PAK1: variants seen among roughly 807,000 people sequenced by gnomAD.
PAK1 encodes the protein p21 (RAC1) activated kinase 1, also known as serine/threonine-protein kinase PAK 1.
PAK1 carries 29 observed loss-of-function variants against 67.4 expected under a neutral mutation model. The observed-to-expected ratio is 0.43, with a 90% CI of 0.32 to 0.59. The LOEUF (loss-of-function observed/expected upper bound fraction) is 0.59. Among genes scored for constraint, PAK1 ranks in the 20% least tolerant of loss-of-function variants. The pLI is 0.07. For synonymous variants in PAK1, 223 were observed against 237.4 expected, an observed-to-expected ratio of 0.94 and a Z score of 0.56; for missense variants, 337 against 670.7, an observed-to-expected ratio of 0.50 and a Z score of 5.50.
rs757386926 is a variant in PAK1, at chr11:77,325,114, A to G, written c.1552-1754T>C. ...CAAGTTAAAAAGCCAGCTTTCTCAG[A>G]TCACATGTTTCTGCAATTCCCCTAA... On this transcript the variant is annotated intron_variant, in intron 14 of 14. Transcript: ENST00000356341. Among the ~76,000 whole-genome samples, 3 of 152,376 alleles carry G rather than the reference A, an allele frequency of 2.0e-5. No individual in the cohort carries two copies. In the South Asian group the frequency reaches 6.2e-4, roughly 32 times the overall value.
At chr11:77,427,912 G>A (rs1955636536) in intron 1 of PAK1, among the ~76,000 whole-genome samples, 1 of 152,200 alleles carries the variant, frequency 6.6e-6, no homozygotes, top group African/African-American at 2.4e-5. Context: ...TTATCAGACA[G>A]TGAAGAGAGT....
chr11:77,351,715 C>A (rs2136425334), intron 8 of PAK1, among the ~76,000 whole-genome samples: 1 of 151,668 alleles, frequency 6.6e-6, no homozygotes. Flanking sequence ...ATTATGCAAT[C>A]TTTTATTTTC....
At chr11:77,509,595 T>C in the PAK1 span, among the ~76,000 whole-genome samples, 7 of 152,306 alleles carry the variant, frequency 4.6e-5, no homozygotes, top group East Asian at 9.7e-4. Flanking sequence ...AGATCTCATG[T>C]TGAATTGTAA....
chr11:77,521,909 G>C, the PAK1 span, among the ~76,000 whole-genome samples: 1 of 152,114 alleles, frequency 6.6e-6, no homozygotes, highest in Non-Finnish European at 1.5e-5. Flanking sequence ...GAATAAGCAG[G>C]GTTAGCCGAA....
the PAK1 span, among the ~76,000 whole-genome samples, chr11:77,481,207 A>C: frequency 3.9e-5 from 6 of 152,276 alleles, no homozygotes; most frequent in East Asian, 1.2e-3. Context: ...ACATCGTTCC[A>C]GTGTCTATTA....
chr11:77,386,761 A>G (rs1433869158), intron 2 of PAK1, among the ~76,000 whole-genome samples: 1 of 152,018 alleles, frequency 6.6e-6, no homozygotes, highest in East Asian at 1.9e-4. Flanking sequence ...GAATGCAGGT[A>G]TCAGTATTAA....
the PAK1 span, among the ~76,000 whole-genome samples, chr11:77,515,386 G>T: frequency 6.6e-6 from 1 of 152,168 alleles, no homozygotes; most frequent in African/African-American, 2.4e-5. Context: ...AAGCATACAG[G>T]TGTATCTTAG....
intron 1 of PAK1, among the ~76,000 whole-genome samples, chr11:77,413,466 A>G (rs1430743599): frequency 6.6e-6 from 1 of 152,146 alleles, no homozygotes; most frequent in Non-Finnish European, 1.5e-5. Context: ...CACATCTGGT[A>G]AATGCTCAGG....
chr11:77,358,942 T>C lies in PAK1; in HGVS notation c.553A>G (p.Thr185Ala). ...EDEDDDDDDA[T>A]PPPVIAPRPE... ...CGTGGAGCAATCACTGGTGGTGGGG[T>C]AGCATCATCATCATCATCATCCTCA... is the stretch of plus-strand genomic sequence containing the variant. The change falls in exon 6 of 15, where the codon ACC becomes GCC. Residue 185 changes from threonine to alanine, a missense_variant. Coordinates refer to ENST00000356341, the MANE Select transcript of PAK1 (RefSeq NM_002576.5). 1 of 1,613,338 alleles carries C rather than the reference T, an allele frequency of 6.2e-7. No individual in the cohort carries two copies. Among genetic ancestry groups the C allele is most frequent in the Non-Finnish European group, 8.5e-7 (1 of 1,179,434 alleles).
rs1938595004 is a variant in PAK1 at position 77,322,052 on chromosome 11, A to C, written c.*1222T>G. 9.4e-6 allele frequency: 2 copies of C among 211,950 alleles called. No homozygotes were observed. The highest frequency in any genetic ancestry group is 1.4e-4 in the East Asian group (2 of 14,174). The allele number at this position is 211,950 out of a possible 1,614,324, so 13.1% of individuals were successfully genotyped here. On this transcript the variant is annotated 3_prime_UTR_variant, in exon 15 of 15. Coordinates refer to ENST00000356341, the MANE Select transcript of PAK1 (RefSeq NM_002576.5). ...ATCTCCTTTTATTGACAGAAATAGA[A>C]ATTTGTGCTGCAGAGGCAGTAGTAC...
chr11:77,529,738 C>T, the PAK1 span, among the ~76,000 whole-genome samples: 2 of 152,114 alleles, frequency 1.3e-5, no homozygotes, highest in African/African-American at 4.8e-5. Flanking sequence ...GAAGGATGAG[C>T]AGAAAGTAAG....
chr11:77,420,236 G>T (rs559030733), intron 1 of PAK1, among the ~76,000 whole-genome samples: 1 of 152,150 alleles, frequency 6.6e-6, no homozygotes, highest in South Asian at 2.1e-4. Flanking sequence ...GGAGAAAAAA[G>T]TATGAACGGT....
At chr11:77,445,982 T>C (rs1956580632) in intron 1 of PAK1, among the ~76,000 whole-genome samples, 2 of 152,198 alleles carry the variant, frequency 1.3e-5, no homozygotes, top group Non-Finnish European at 2.9e-5. Context: ...CTCCAGTACT[T>C]ATCACAGTTC....
chr11:77,474,277 G>C (rs1158918897), upstream of PAK1: 1 of 152,086 alleles, frequency 6.6e-6, no homozygotes, highest in East Asian at 1.9e-4. Context: ...CAGGTGAGAG[G>C]GGGCGGGGAG....
chr11:77,325,008 C>G (rs753807851), intron 14 of PAK1, among the ~76,000 whole-genome samples: 1 of 152,182 alleles, frequency 6.6e-6, no homozygotes, highest in Non-Finnish European at 1.5e-5. Context: ...TAAGTGTGTT[C>G]TCACAGGAGA....
At position 77,362,124 on chromosome 11, in the gene PAK1, TTTTC is replaced by T. The variant is rs766983584; in HGVS notation, c.478-3111_478-3108del. The stretch of plus-strand genomic sequence containing the variant: ...ATATAAATTTATCCACCGGTTTGGG[TTTTC>T]TTTATTACAGAAATGTATGAATAGT... On this transcript the variant is annotated intron_variant, in intron 5 of 14. Coordinates refer to ENST00000356341, the MANE Select transcript of PAK1 (RefSeq NM_002576.5). 2.0e-5 allele frequency among the ~76,000 whole-genome samples: 3 copies of T among 152,336 alleles called. No homozygotes were observed. In the South Asian group the frequency reaches 6.2e-4, roughly 32 times the overall value.
intron 14 of PAK1, chr11:77,329,032 A>G (rs1254431989): frequency 6.6e-6 from 1 of 152,258 alleles, no homozygotes; most frequent in Non-Finnish European, 1.5e-5. Flanking sequence ...TAGAAAATCT[A>G]GAAGAAATGG....
chr11:77,392,326 T>C lies in PAK1; in HGVS notation c.190+5A>G, dbSNP rs1951246261. On this transcript the variant is annotated splice_donor_5th_base_variant and intron_variant, in intron 2 of 14. Coordinates refer to ENST00000356341, the MANE Select transcript of PAK1 (RefSeq NM_002576.5). ...AAATGATGAGAAGAAAATCAAATAC[T>C]ATACTTTTATCTCCAGGTAAAATGG... is the stretch of plus-strand genomic sequence containing the variant. 4 of 1,560,012 alleles carry C rather than the reference T, an allele frequency of 2.6e-6. No homozygotes were observed. Among genetic ancestry groups the C allele is most frequent in the Non-Finnish European group, 3.5e-6 (4 of 1,146,912 alleles).
chr11:77,441,090 G>C (rs1379851947), intron 1 of PAK1, among the ~76,000 whole-genome samples: 1 of 152,152 alleles, frequency 6.6e-6, no homozygotes, highest in African/African-American at 2.4e-5. Flanking sequence ...TGCCTTTCAA[G>C]GGAAGGCCTT....
Sources: allele counts gnomAD v4.1 joint callset (sites outside exome capture counted in the v4.1 genomes callset), GRCh38; gene constraint gnomAD v4.1.1; transcripts MANE v1.5; gene names NCBI Gene and HGNC (gene_info 2026-07-23, HGNC 2026-07-21).